MIX23: variants seen among roughly 807,000 people sequenced by gnomAD.
MIX23 encodes protein MIX23.
A neutral mutation model predicts 21.6 loss-of-function variants in MIX23; 13 were observed. That is an observed-to-expected ratio of 0.60 (90% CI 0.39 to 0.96). MIX23 has a LOEUF of 0.96. Among genes scored for constraint, MIX23 ranks in the 40% least tolerant of loss-of-function variants. The probability of loss-of-function intolerance (pLI) is 0.00; values close to 1 mark genes in which losing one functional copy is unlikely to be tolerated. For missense variants in MIX23, 144 were observed against 171.2 expected, an observed-to-expected ratio of 0.84 and a Z score of 0.89; for synonymous variants, 59 against 58.0, an observed-to-expected ratio of 1.02 and a Z score of -0.08.
intron 4 of MIX23, among the ~76,000 whole-genome samples, chr3:122,360,409 A>G (rs1055468906): frequency 6.6e-6 from 1 of 152,212 alleles, no homozygotes; most frequent in Non-Finnish European, 1.5e-5. Flanking sequence ...CAAGGGAAAA[A>G]AAAGTGTGAA....
chr3:122,383,181 T>C lies in MIX23; in HGVS notation c.44A>G (p.Glu15Gly). Residue 15 changes from glutamate (E) to glycine (G), a missense_variant, in exon 1 of 5, where the codon GAG becomes GGG. By Grantham distance (98) the Glu-to-Gly change is moderately conservative. Transcript: ENST00000291458. Reference protein sequence around the residue: ...SGGVNCEEFAEFQELLKVMRT... With the variant: ...SGGVNCEEFAGFQELLKVMRT... ...TGAGGAAAACCCCATCACCTGGAAC[T>C]CGGCGAACTCCTCACAGTTCACACC... The C allele has an allele frequency of 6.2e-7, 1 of 1,613,640 alleles. No individual in the cohort carries two copies. The highest frequency in any genetic ancestry group is 8.5e-7 in the Non-Finnish European group (1 of 1,180,026).
rs367550434 is a variant in MIX23, at chr3:122,374,102, AT to A, written c.52-2303del. On this transcript the variant is annotated intron_variant, in intron 1 of 4. Coordinates refer to ENST00000291458, the MANE Select transcript of MIX23 (RefSeq NM_001017928.4). ...CCACTTTACCTCCTATGACTGGCCT[AT>A]TTTTTTTTTTTTTTTTAAAAAAAAA... 8.0e-3 allele frequency among the ~76,000 whole-genome samples: 981 copies of A among 122,924 alleles called. 9 individuals carry two copies. Among genetic ancestry groups the A allele is most frequent in the African/African-American group, 0.025 (786 of 31,392 alleles). The allele number at this position is 122,924 out of a possible 152,430, so 80.6% of individuals were successfully genotyped here. A position where few individuals can be genotyped will look rare whatever the true frequency, so the allele number is the denominator to read the frequency against.
intron 4 of MIX23, 71 bp downstream of exon 4, chr3:122,362,897 C>G (rs1180413742): frequency 8.0e-7 from 1 of 1,244,564 alleles, no homozygotes; most frequent in Non-Finnish European, 1.2e-6. Context: ...CTTTACTCCC[C>G]CTCCCTTGGT....
chr3:122,381,499 G>A (rs949687397), intron 1 of MIX23, among the ~76,000 whole-genome samples: 1 of 152,208 alleles, frequency 6.6e-6, no homozygotes, highest in African/African-American at 2.4e-5. Context: ...GCTGAAAGGG[G>A]TGCGGATCAC....
At chr3:122,362,022 C>A (rs982337396) in intron 4 of MIX23, among the ~76,000 whole-genome samples, 16 of 152,122 alleles carry the variant, frequency 1.1e-4, no homozygotes, top group African/African-American at 3.9e-4. Flanking sequence ...CTTCGTAAAT[C>A]TTTTAGAGTT....
chr3:122,373,564 G>A (rs991622809), intron 1 of MIX23, among the ~76,000 whole-genome samples: 1 of 152,126 alleles, frequency 6.6e-6, no homozygotes, highest in African/African-American at 2.4e-5. Flanking sequence ...AAAAGCCACC[G>A]CACCCAGCCC....
chr3:122,368,094 A>G, intron 3 of MIX23, 82 bp downstream of exon 3: 1 of 1,394,296 alleles, frequency 7.2e-7, no homozygotes, highest in South Asian at 1.2e-5. Context: ...TTATATGCCA[A>G]AATTTTCATA....
intron 1 of MIX23, among the ~76,000 whole-genome samples, chr3:122,375,320 A>G (rs2075476057): frequency 6.6e-6 from 1 of 152,192 alleles, no homozygotes; most frequent in African/African-American, 2.4e-5. Context: ...CCATTAACTT[A>G]TGGTGGGGGA....
chr3:122,374,508 C>T (rs1056045563), intron 1 of MIX23, among the ~76,000 whole-genome samples: 5 of 152,246 alleles, frequency 3.3e-5, no homozygotes, highest in East Asian at 1.9e-4. Context: ...AATATAAATG[C>T]TATGTAAATA....
At chr3:122,374,073 C>T (rs2075463941) in intron 1 of MIX23, among the ~76,000 whole-genome samples, 1 of 149,374 alleles carries the variant, frequency 6.7e-6, no homozygotes, top group South Asian at 2.1e-4. Flanking sequence ...AGGGACCTAC[C>T]TTGCCACTTT....
chr3:122,381,051 T>C (rs995971326), intron 1 of MIX23, among the ~76,000 whole-genome samples: 15 of 152,238 alleles, frequency 9.9e-5, no homozygotes, highest in Non-Finnish European at 1.8e-4. Context: ...ATACTGATTT[T>C]CTATTTCCTT....
At chr3:122,370,752 A>G (rs2075435342) in intron 2 of MIX23, among the ~76,000 whole-genome samples, 4 of 152,218 alleles carry the variant, frequency 2.6e-5, no homozygotes, top group Admixed American at 2.6e-4. Flanking sequence ...CTCATAGCCA[A>G]TTAGGACTAG....
chr3:122,378,064 G>A (rs2075501932), intron 1 of MIX23, among the ~76,000 whole-genome samples: 1 of 152,140 alleles, frequency 6.6e-6, no homozygotes, highest in Admixed American at 6.5e-5. Context: ...AGACCCACAG[G>A]GAACCAAACA....
intron 4 of MIX23, among the ~76,000 whole-genome samples, chr3:122,361,835 C>T (rs1255368831): frequency 2.0e-5 from 3 of 152,098 alleles, no homozygotes; most frequent in African/African-American, 7.2e-5. Flanking sequence ...TGTGATAAAG[C>T]AAAGAAAGCC....
chr3:122,370,579 C>T (rs1405493863), intron 2 of MIX23, among the ~76,000 whole-genome samples: 1 of 150,834 alleles, frequency 6.6e-6, no homozygotes, highest in Admixed American at 6.6e-5. Flanking sequence ...TTAATCACTA[C>T]ACTATAAACG....
intron 3 of MIX23, 111 bp from the exon 4 acceptor site, chr3:122,363,138 G>T: frequency 1.3e-6 from 1 of 794,636 alleles, no homozygotes; most frequent in Non-Finnish European, 2.0e-6. Context: ...AACAAAACCT[G>T]CTACTGCTCT....
chr3:122,371,741 C>T lies in MIX23; in HGVS notation c.111G>A (p.Thr37=), dbSNP rs139324458. ...TCCCTGCAAAGGAAGCTGTTGGAAC[C>T]GTAGTGTTTAATTCATGTACTATTC... ...DDRIVHELNT[T]VPTASFAGKI... Residue 37 remains threonine (T), a synonymous_variant, in exon 2 of 5, where the codon ACG becomes ACA. Transcript: ENST00000291458. 45 of 1,611,510 alleles carry T rather than the reference C, an allele frequency of 2.8e-5. No homozygotes were observed. The highest frequency in any genetic ancestry group is 1.7e-4 in the African/African-American group (13 of 74,842).
At chr3:122,380,690 A>G (rs534665204) in intron 1 of MIX23, among the ~76,000 whole-genome samples, 1 of 152,244 alleles carries the variant, frequency 6.6e-6, no homozygotes, top group South Asian at 2.1e-4. Flanking sequence ...AGAAGTTTAT[A>G]TCTAGTCATA....
intron 1 of MIX23, among the ~76,000 whole-genome samples, chr3:122,382,256 AG>A (rs1023143591): frequency 1.3e-5 from 2 of 151,968 alleles, no homozygotes; most frequent in African/African-American, 4.8e-5. Flanking sequence ...ACACTTTGGG[AG>A]GACGAGGCAA....
Sources: allele counts gnomAD v4.1 joint callset (sites outside exome capture counted in the v4.1 genomes callset), GRCh38; gene constraint gnomAD v4.1.1; transcripts MANE v1.5; gene names NCBI Gene and HGNC (gene_info 2026-07-23, HGNC 2026-07-21).